Variants in ATP7B observed in about 807,000 individuals in gnomAD.
ATP7B encodes the protein copper-transporting ATPase 2.
Under a neutral mutation model 118.9 loss-of-function variants are expected in ATP7B, and 113 were observed. That is an observed-to-expected ratio of 0.95 (90% CI 0.82 to 1.11). The LOEUF is 1.11. Ranked by LOEUF, ATP7B falls within the 50% of genes most tolerant of loss-of-function variation. The probability of loss-of-function intolerance (pLI) is 0.00; values close to 1 mark genes in which losing one functional copy is unlikely to be tolerated. For missense variants in ATP7B, 1,867 were observed against 1,871.4 expected, an observed-to-expected ratio of 1.00 and a Z score of 0.04; for synonymous variants, 777 against 727.4, an observed-to-expected ratio of 1.07 and a Z score of -1.10.
intron 1 of ATP7B, among the ~76,000 whole-genome samples, chr13:51,977,546 A>G (rs1301957690): frequency 6.6e-6 from 1 of 152,096 alleles, no homozygotes; most frequent in African/African-American, 2.4e-5. Flanking sequence ...TCTTCTGGAT[A>G]CCTCCTAGGA....
In ATP7B at chr13:51,939,181, C is replaced by A. The variant is rs767681386; in HGVS notation, c.3569G>T (p.Gly1190Val). 2.4e-5 allele frequency: 39 copies of A among 1,613,628 alleles called. No homozygotes were observed. Among genetic ancestry groups the A allele is most frequent in the Non-Finnish European group, 3.3e-5 (39 of 1,180,034 alleles). The change falls in exon 17 of 21, where the codon GGG becomes GTG. Residue 1190 changes from glycine (G) to valine (V), a missense_variant. Physicochemically the swap from Gly to Val is moderately radical, Grantham distance 109. Transcript: ENST00000242839. ...GACAGCGTCTGCGATTGCGATCATC[C>A]CACAGAGCACACCTGGAGCGAACCA... is the stretch of plus-strand genomic sequence containing the variant. ...ILVAIDGVLC[G>V]MIAIADAVKQ...
intron 1 of ATP7B, among the ~76,000 whole-genome samples, chr13:51,995,747 G>A (rs1479235447): frequency 6.6e-6 from 1 of 152,062 alleles, no homozygotes; most frequent in East Asian, 1.9e-4. Context: ...AACTTGGGCA[G>A]GCTGCACAGT....
chr13:51,997,353 T>C (rs1300655761), intron 1 of ATP7B, among the ~76,000 whole-genome samples: 1 of 152,252 alleles, frequency 6.6e-6, no homozygotes, highest in Non-Finnish European at 1.5e-5. Flanking sequence ...TAACTTTTCC[T>C]TGGTGACATG....
Position 51,974,800 on chromosome 13 carries a change from G to A in ATP7B, c.420C>T (p.Ala140=), listed in dbSNP as rs906474760. The part of the protein sequence containing the change: ...AASWPSRSLP[A]QEAVVKLRVE... ...CCCGGAGCTTGACCACAGCCTCCTGGGCAGGCAAGGACCTTGAGGGCCAGG... is the reference window on the plus strand; with the variant it reads ...CCCGGAGCTTGACCACAGCCTCCTGAGCAGGCAAGGACCTTGAGGGCCAGG... The change falls in exon 2 of 21, where the codon GCC becomes GCT. Residue 140 remains alanine, a synonymous_variant. Coordinates refer to ENST00000242839, the MANE Select transcript of ATP7B (RefSeq NM_000053.4). 6.2e-7 allele frequency: 1 copy of A among 1,614,028 alleles called. No individual in the cohort carries two copies. The highest frequency in any genetic ancestry group is 8.5e-7 in the Non-Finnish European group (1 of 1,180,040).
At chr13:52,002,888 G>C (rs1021658734) in intron 1 of ATP7B, among the ~76,000 whole-genome samples, 1 of 152,116 alleles carries the variant, frequency 6.6e-6, no homozygotes, top group East Asian at 1.9e-4. Flanking sequence ...ATATGTTATG[G>C]CAAAAAAATG....
chr13:52,012,104 C>A (rs908390779), upstream of ATP7B: 1 of 528,668 alleles, frequency 1.9e-6, no homozygotes, highest in Non-Finnish European at 3.4e-6. Flanking sequence ...GGGGCGCAGG[C>A]GCCCAGGCGG....
intron 19 of ATP7B, among the ~76,000 whole-genome samples, chr13:51,936,508 G>T (rs1411975981): frequency 6.6e-6 from 1 of 152,098 alleles, no homozygotes; most frequent in African/African-American, 2.4e-5. Context: ...GAATTACAAA[G>T]CAGAAAAATC....
intron 1 of ATP7B, among the ~76,000 whole-genome samples, chr13:51,987,775 C>G (rs946087612): frequency 6.6e-6 from 1 of 152,110 alleles, no homozygotes; most frequent in African/African-American, 2.4e-5. Context: ...TACAACCATC[C>G]GATCTTTGAC....
chr13:51,942,603 G>A (rs761686671), intron 14 of ATP7B, 49 bp from the exon 15 acceptor site: 3 of 1,609,282 alleles, frequency 1.9e-6, no homozygotes, highest in South Asian at 2.2e-5. Context: ...CAAGAGGGGT[G>A]AAGTGAAAGG....
chr13:51,942,731 A>T (rs1957412580), intron 14 of ATP7B, among the ~76,000 whole-genome samples, 177 bp from the exon 15 acceptor site: 1 of 152,206 alleles, frequency 6.6e-6, no homozygotes. Flanking sequence ...GATAGTGACT[A>T]GTAACTTGTA....
intron 19 of ATP7B, 85 bp from the exon 20 acceptor site, chr13:51,935,780 C>T (rs527493060): frequency 8.2e-7 from 1 of 1,222,660 alleles, no homozygotes; most frequent in Non-Finnish European, 1.2e-6. Flanking sequence ...GCCCCACCCT[C>T]AGCGGCCCCC....
Position 51,974,253 on chromosome 13 carries a change from A to C in ATP7B, c.967T>G (p.Phe323Val). The C allele has an allele frequency of 6.2e-7, 1 of 1,613,786 alleles. No homozygotes were observed. The highest frequency in any genetic ancestry group is 8.5e-7 in the Non-Finnish European group (1 of 1,179,928). The change falls in exon 2 of 21, where the codon TTT becomes GTT. Residue 323 changes from phenylalanine to valine, a missense_variant. Coordinates refer to ENST00000242839, the MANE Select transcript of ATP7B (RefSeq NM_000053.4). ...GCTCCATCAGGAAGAGAAACTTTAAAATTCCCAGGTGGAAGTGCCTCGATA... is the reference window on the plus strand; with the variant it reads ...GCTCCATCAGGAAGAGAAACTTTAACATTCCCAGGTGGAAGTGCCTCGATA... ...RAIEALPPGNFKVSLPDGAEG... is the reference protein window; with the variant it reads ...RAIEALPPGNVKVSLPDGAEG...
rs776280797 is a variant in ATP7B at position 51,939,104 on chromosome 13, C to T, written c.3646G>A (p.Val1216Met). ...CGGTTGTCCCCCGTGATCAGAACCA[C>T]GTCCACACCCATGCTCTGCAGCGTG... ...VHTLQSMGVDVVLITGDNRKT... is the reference protein window; with the variant it reads ...VHTLQSMGVDMVLITGDNRKT... The change falls in exon 17 of 21, where the codon GTG becomes ATG. Residue 1216 changes from valine to methionine, a missense_variant. Coordinates refer to ENST00000242839, the MANE Select transcript of ATP7B (RefSeq NM_000053.4). 51 of 1,614,126 alleles carry T rather than the reference C, an allele frequency of 3.2e-5. No homozygotes were observed. Among genetic ancestry groups the T allele is most frequent in the East Asian group, 8.9e-5 (4 of 44,896 alleles).
intron 12 of ATP7B, 107 bp downstream of exon 12, chr13:51,949,555 G>T: frequency 6.7e-7 from 1 of 1,498,532 alleles, no homozygotes; most frequent in Non-Finnish European, 9.2e-7. Context: ...CAAATAAAAT[G>T]TAATGAATAA....
chr13:51,942,180 T>C (rs980764601), intron 15 of ATP7B, among the ~76,000 whole-genome samples: 1 of 152,228 alleles, frequency 6.6e-6, no homozygotes, highest in African/African-American at 2.4e-5. Context: ...CAATGCTCTA[T>C]GAATTTAAGG....
rs546262455 is a variant in ATP7B at position 51,934,645 on chromosome 13, C to A, written c.*111G>T. 6.6e-7 allele frequency: 1 copy of A among 1,514,100 alleles called. No individual in the cohort carries two copies. Among genetic ancestry groups the A allele is most frequent in the Non-Finnish European group, 9.0e-7 (1 of 1,110,192 alleles). The allele number at this position is 1,514,100 out of a possible 1,614,324, so 93.8% of individuals were successfully genotyped here. A position where few individuals can be genotyped will look rare whatever the true frequency, so the allele number is the denominator to read the frequency against. ...AGGATGACTGGACATATCCAGGGAG[C>A]GGAAGTCCCCAAAGCTGGAGGCTAG... is the stretch of plus-strand genomic sequence containing the variant. On this transcript the variant is annotated 3_prime_UTR_variant, in exon 21 of 21. Transcript: ENST00000242839.
intron 1 of ATP7B, among the ~76,000 whole-genome samples, chr13:52,009,050 T>C (rs1953905493): frequency 6.6e-6 from 1 of 152,092 alleles, no homozygotes; most frequent in Non-Finnish European, 1.5e-5. Flanking sequence ...AATTTTTCTT[T>C]TTTTTTTGTA....
chr13:51,974,068 CAGTTGGG>C lies in ATP7B; in HGVS notation c.1145_1151del (p.Ser382TrpfsTer24), dbSNP rs1176709391. 43 of 1,614,082 alleles carry C rather than the reference CAGTTGGG, an allele frequency of 2.7e-5. No individual in the cohort carries two copies. Among genetic ancestry groups the C allele is most frequent in the Non-Finnish European group, 3.6e-5 (42 of 1,180,052 alleles). ...ACACCGATATTTGCTGCACCCCTTC[CAGTTGGG>C]AGATCATGCCTTCAATGGAATGGAC... On this transcript the variant is annotated frameshift_variant, in exon 2 of 21. Transcript: ENST00000242839. LOFTEE classifies it high-confidence loss of function.
rs1361076729 is a variant in ATP7B at position 51,950,412 on chromosome 13, C to T, written c.2448-13G>A. 4 of 1,613,656 alleles carry T rather than the reference C, an allele frequency of 2.5e-6. No homozygotes were observed. Among genetic ancestry groups the T allele is most frequent in the South Asian group, 1.1e-5 (1 of 91,062 alleles). ...GACTTGCTCCTCCCTGCAACAAACG[C>T]CACTTATCACTCACATGGCCACTCA... On this transcript the variant is annotated splice_polypyrimidine_tract_variant and intron_variant, in intron 9 of 20. Transcript: ENST00000242839.
Sources: gnomAD v4.1 joint callset for allele counts (sites outside exome capture counted in the v4.1 genomes callset) on GRCh38, gnomAD v4.1.1 for gene constraint, MANE v1.5 for transcripts, NCBI Gene and HGNC (gene_info 2026-07-23, HGNC 2026-07-21) for gene names.